FGD1: variants seen among roughly 807,000 people sequenced by gnomAD.
FGD1 encodes the protein FYVE, RhoGEF and PH domain containing 1, also known as FYVE, RhoGEF and PH domain-containing protein 1.
In FGD1, 12 loss-of-function variants were observed where a neutral mutation model predicts 65.0. The ratio of observed to expected loss-of-function variants is 0.18; its 90% CI spans 0.12 to 0.30. The LOEUF (loss-of-function observed/expected upper bound fraction) is 0.30, where lower values mean the gene tolerates loss of function less well. FGD1 is among the 10% of genes least tolerant of loss of function. The pLI is 1.00. For synonymous variants in FGD1, 333 were observed against 343.9 expected, an observed-to-expected ratio of 0.97 and a Z score of 0.35; for missense variants, 542 against 837.6, an observed-to-expected ratio of 0.65 and a Z score of 4.36.
intron 6 of FGD1, among the ~76,000 whole-genome samples, chrX:54,467,457 C>T (rs943580891): frequency 8.3e-5 from 9 of 108,557 alleles, no homozygotes; most frequent in African/African-American, 3.0e-4. Flanking sequence ...TGGGTTCAAG[C>T]GATTCTTGTG....
chrX:54,448,755 T>C (rs780985219), intron 16 of FGD1, 51 bp downstream of exon 16: 2 of 1,178,229 alleles, frequency 1.7e-6, no homozygotes, highest in South Asian at 3.6e-5. Context: ...CTGGGTAGAG[T>C]TGGAACCCAT....
At chrX:54,452,223 C>T (rs750541670) in intron 12 of FGD1, among the ~76,000 whole-genome samples, 180 of 94,988 alleles carry the variant, frequency 1.9e-3, no homozygotes, top group Admixed American at 3.5e-3. Flanking sequence ...GCCATGATAA[C>T]GCCACTGCAC....
intron 1 of FGD1, among the ~76,000 whole-genome samples, chrX:54,473,199 T>C (rs1271784823): frequency 1.8e-5 from 2 of 111,762 alleles, no homozygotes; most frequent in Non-Finnish European, 3.8e-5. Context: ...CACAGCTTCA[T>C]ACAACCGCCC....
chrX:54,482,236 G>GCGCGCGCACACACACACACACACACA (rs796491256), intron 1 of FGD1, among the ~76,000 whole-genome samples: 6 of 99,367 alleles, frequency 6.0e-5, no homozygotes, highest in African/African-American at 2.3e-4. Flanking sequence ...GCACACGCGC[G>GCGCGCGCACACACACACACACACACA]CACACACACA....
Position 54,445,645 on chromosome X carries a change from G to A in FGD1, c.*464C>T, listed in dbSNP as rs1318722520. ...GAAGCTGTAAGCCATGGGAGAGGCA[G>A]GAGAGGTCTAGTTGCCACCCCACGT... is the stretch of plus-strand genomic sequence containing the variant. On this transcript the variant is annotated 3_prime_UTR_variant, in exon 18 of 18. Transcript: ENST00000375135. The A allele has an allele frequency of 8.2e-6, 1 of 121,423 alleles. No homozygotes were observed. Among genetic ancestry groups the A allele is most frequent in the African/African-American group, 3.2e-5 (1 of 30,839 alleles). The allele number at this position is 121,423 out of a possible 1,213,427, so 10.0% of individuals were successfully genotyped here.
chrX:54,482,505 C>T (rs1489814202), intron 1 of FGD1, among the ~76,000 whole-genome samples: 1 of 111,850 alleles, frequency 8.9e-6, no homozygotes, highest in Admixed American at 9.4e-5. Flanking sequence ...GCAGTAATTA[C>T]CAGATGCTGG....
In FGD1 at chrX:54,465,857, G is replaced by T; in HGVS notation, c.1341-5C>A. 8.3e-7 allele frequency: 1 copy of T among 1,211,105 alleles called. No homozygotes were observed. Among genetic ancestry groups the T allele is most frequent in the Non-Finnish European group, 1.1e-6 (1 of 895,125 alleles). On this transcript the variant is annotated splice_polypyrimidine_tract_variant and splice_region_variant and intron_variant, in intron 6 of 17. Transcript: ENST00000375135. ...CCAATGCGTGGATAGCGGTCCCTGG[G>T]GTGGAATTAGGGGCTGATGTGGTCC...
At chrX:54,483,348 A>G (rs896160523) in intron 1 of FGD1, among the ~76,000 whole-genome samples, 2 of 111,461 alleles carry the variant, frequency 1.8e-5, no homozygotes. Context: ...CTGGAGGGGG[A>G]GCAGGGAAGG....
chrX:54,456,396 G>A (rs373373032), intron 9 of FGD1, 30 bp from the exon 10 acceptor site: 273 of 1,209,497 alleles, frequency 2.3e-4, no homozygotes, highest in African/African-American at 3.8e-4. Flanking sequence ...AAAAGGCACG[G>A]TTGGGGTGCC....
At chrX:54,464,191 G>A (rs892279417) in intron 8 of FGD1, among the ~76,000 whole-genome samples, 3 of 91,368 alleles carry the variant, frequency 3.3e-5, no homozygotes, top group African/African-American at 8.8e-5. Flanking sequence ...GAAGTGTAGT[G>A]ATGCAATCTT....
At chrX:54,461,600 C>CAAAAAAAAAAA (rs1165040158) in intron 8 of FGD1, among the ~76,000 whole-genome samples, 1 of 18,050 alleles carries the variant, frequency 5.5e-5, no homozygotes, top group Non-Finnish European at 1.4e-4. Flanking sequence ...GACTCTGTCT[C>CAAAAAAAAAAA]AAAAAAAAAA....
At chrX:54,480,620 A>C (rs1428341782) in intron 1 of FGD1, among the ~76,000 whole-genome samples, 1 of 110,109 alleles carries the variant, frequency 9.1e-6, no homozygotes, top group Non-Finnish European at 1.9e-5. Context: ...CAGGTCTTCC[A>C]ATATTTCAAG....
intron 1 of FGD1, among the ~76,000 whole-genome samples, chrX:54,483,727 C>G (rs1314864269): frequency 1.8e-5 from 2 of 111,549 alleles, no homozygotes; most frequent in Non-Finnish European, 3.8e-5. Flanking sequence ...CCTACCCCAG[C>G]CCCGGTCTGC....
intron 9 of FGD1, 42 bp from the exon 10 acceptor site, chrX:54,456,408 G>A (rs1922503230): frequency 8.3e-7 from 1 of 1,208,718 alleles, no homozygotes; most frequent in Non-Finnish European, 1.1e-6. Context: ...TGGGGTGCCA[G>A]CCTCCTGTCA....
intron 4 of FGD1, 91 bp downstream of exon 4, chrX:54,469,925 G>A (rs748867862): frequency 9.5e-5 from 80 of 841,642 alleles, no homozygotes; most frequent in Admixed American, 3.7e-4. Context: ...GTCCTATTTC[G>A]AGAAATACTG....
chrX:54,468,364 T>G (rs1922811101), intron 5 of FGD1, among the ~76,000 whole-genome samples: 1 of 111,693 alleles, frequency 9.0e-6, no homozygotes, highest in Admixed American at 9.6e-5. Flanking sequence ...TATTTTTGAA[T>G]GTCTGCTGTG....
At chrX:54,447,760 G>A (rs923030451) in intron 16 of FGD1, among the ~76,000 whole-genome samples, 12 of 112,155 alleles carry the variant, frequency 1.1e-4, no homozygotes, top group Admixed American at 1.0e-3. Flanking sequence ...CACACATTTA[G>A]GCCTCATGCT....
At chrX:54,491,702 C>A (rs1199434058) in intron 1 of FGD1, among the ~76,000 whole-genome samples, 2 of 112,151 alleles carry the variant, frequency 1.8e-5, no homozygotes, top group African/African-American at 3.2e-5. Flanking sequence ...CCTTGGTTGT[C>A]AACCCCAAGA....
intron 16 of FGD1, 75 bp downstream of exon 16, chrX:54,448,731 C>T (rs1922302643): frequency 9.3e-7 from 1 of 1,070,050 alleles, no homozygotes; most frequent in Non-Finnish European, 1.3e-6. Flanking sequence ...AATACTCGGG[C>T]CTCCTCAGTC....
Sources: allele counts gnomAD v4.1 joint callset (sites outside exome capture counted in the v4.1 genomes callset), GRCh38; gene constraint gnomAD v4.1.1; transcripts MANE v1.5; gene names NCBI Gene and HGNC (gene_info 2026-07-23, HGNC 2026-07-21).